NAALADL2: variants seen among roughly 807,000 people sequenced by gnomAD.
NAALADL2 encodes inactive N-acetylated-alpha-linked acidic dipeptidase-like protein 2.
Under a neutral mutation model 87.2 loss-of-function variants are expected in NAALADL2, and 76 were observed. The ratio of observed to expected loss-of-function variants is 0.87; its 90% CI spans 0.72 to 1.05. The LOEUF (loss-of-function observed/expected upper bound fraction) is 1.05, where lower values mean the gene tolerates loss of function less well. NAALADL2 is among the 50% of genes least tolerant of loss of function. The pLI, the probability that NAALADL2 is intolerant of heterozygous loss-of-function variation, is 0.00. For missense variants in NAALADL2, 1,089 were observed against 945.8 expected, an observed-to-expected ratio of 1.15 and a Z score of -1.99; for synonymous variants, 354 against 331.0, an observed-to-expected ratio of 1.07 and a Z score of -0.75.
At chr3:175,174,695 A>T (rs1735420610) in intron 2 of NAALADL2, among the ~76,000 whole-genome samples, 1 of 152,048 alleles carries the variant, frequency 6.6e-6, no homozygotes, top group Non-Finnish European at 1.5e-5. Flanking sequence ...TAAGATTCTG[A>T]TAATAGATCA....
At chr3:175,100,418 C>T (rs1580443004) in intron 2 of NAALADL2, among the ~76,000 whole-genome samples, 2 of 152,152 alleles carry the variant, frequency 1.3e-5, no homozygotes, top group East Asian at 3.9e-4. Context: ...TTTAACAAAA[C>T]TATTTGGAAG....
intron 1 of NAALADL2, among the ~76,000 whole-genome samples, chr3:174,995,754 C>G (rs1013238078): frequency 6.6e-6 from 1 of 150,780 alleles, no homozygotes; most frequent in Admixed American, 6.6e-5. Context: ...TGCCTTAAAC[C>G]TTAACCTTTG....
chr3:174,970,744 T>A (rs1039389177), intron 1 of NAALADL2, among the ~76,000 whole-genome samples: 2 of 152,208 alleles, frequency 1.3e-5, no homozygotes, highest in African/African-American at 2.4e-5. Flanking sequence ...CATACTAGGC[T>A]CTTAATTTAA....
chr3:174,678,293 G>A (rs1727224775), intron 2 of NAALADL2, among the ~76,000 whole-genome samples: 1 of 152,114 alleles, frequency 6.6e-6, no homozygotes, highest in Non-Finnish European at 1.5e-5. Flanking sequence ...TGCTGATAAT[G>A]CAAGTTTATG....
At chr3:174,775,085 C>T (rs893399180) in intron 3 of NAALADL2, among the ~76,000 whole-genome samples, 10 of 151,948 alleles carry the variant, frequency 6.6e-5, no homozygotes, top group Non-Finnish European at 2.9e-5. Flanking sequence ...GGAAAGTATA[C>T]ATAAAAATGC....
chr3:175,014,966 C>G (rs1750628615), intron 1 of NAALADL2, among the ~76,000 whole-genome samples: 1 of 151,906 alleles, frequency 6.6e-6, no homozygotes, highest in African/African-American at 2.4e-5. Flanking sequence ...ATTTAAAAGA[C>G]TACTTTTTAT....
chr3:175,040,563 C>T (rs1389945938), intron 1 of NAALADL2, among the ~76,000 whole-genome samples: 1 of 152,162 alleles, frequency 6.6e-6, no homozygotes, highest in Non-Finnish European at 1.5e-5. Context: ...CCATCTTGAC[C>T]TCCACTTCCC....
chr3:174,854,155 TAAATA>T (rs1725587422), intron 3 of NAALADL2, among the ~76,000 whole-genome samples: 1 of 152,112 alleles, frequency 6.6e-6, no homozygotes, highest in Admixed American at 6.6e-5. Flanking sequence ...GATGAATGAA[TAAATA>T]AAATATAGTA....
chr3:175,565,823 C>CCG (rs1717026991), intron 9 of NAALADL2, among the ~76,000 whole-genome samples: 1 of 133,866 alleles, frequency 7.5e-6, no homozygotes, highest in Non-Finnish European at 1.6e-5. Context: ...AACAAAAGCC[C>CCG]CCCCCCTTTT....
intron 2 of NAALADL2, among the ~76,000 whole-genome samples, chr3:174,564,429 C>T (rs971042274): frequency 3.3e-5 from 5 of 152,016 alleles, no homozygotes; most frequent in Admixed American, 6.6e-5. Flanking sequence ...ACCTAGTGGG[C>T]GTGGAAACCC....
At chr3:175,038,131 T>G (rs1156342784) in intron 1 of NAALADL2, among the ~76,000 whole-genome samples, 1 of 152,108 alleles carries the variant, frequency 6.6e-6, no homozygotes, top group Non-Finnish European at 1.5e-5. Flanking sequence ...CCAATAAATA[T>G]TATGATAAAA....
At chr3:175,261,470 A>T (rs981559835) in intron 4 of NAALADL2, among the ~76,000 whole-genome samples, 46 of 152,140 alleles carry the variant, frequency 3.0e-4, no homozygotes, top group African/African-American at 1.1e-3. Context: ...TTTCCTGTAG[A>T]AGCCAATTTT....
intron 9 of NAALADL2, among the ~76,000 whole-genome samples, chr3:175,505,496 C>T (rs986585105): frequency 1.3e-5 from 2 of 152,012 alleles, no homozygotes; most frequent in Non-Finnish European, 2.9e-5. Context: ...AAAGAATAGA[C>T]ACTACTTGTA....
intron 10 of NAALADL2, among the ~76,000 whole-genome samples, chr3:175,618,472 C>G (rs1415103358): frequency 1.3e-5 from 2 of 152,176 alleles, no homozygotes; most frequent in Admixed American, 6.5e-5. Flanking sequence ...CCCTTTGCAG[C>G]TTATAACTTG....
chr3:174,852,904 A>G (rs1363527286), intron 3 of NAALADL2, among the ~76,000 whole-genome samples: 2 of 152,176 alleles, frequency 1.3e-5, no homozygotes, highest in African/African-American at 4.8e-5. Flanking sequence ...GGATAAATCC[A>G]TACATATACC....
chr3:175,429,249 T>G (rs1232047463), intron 5 of NAALADL2, among the ~76,000 whole-genome samples: 1 of 151,872 alleles, frequency 6.6e-6, no homozygotes, highest in Non-Finnish European at 1.5e-5. Context: ...TTTCTGTATT[T>G]TTTTAATTTC....
At chr3:175,240,646 T>TTTTGTTTG (rs899079966) in intron 3 of NAALADL2, among the ~76,000 whole-genome samples, 3 of 152,028 alleles carry the variant, frequency 2.0e-5, no homozygotes, top group African/African-American at 7.2e-5. Context: ...ACTTCGAAGT[T>TTTTGTTTG]TTTGTTTGTT....
intron 3 of NAALADL2, chr3:175,235,733 C>T (rs1015200795): frequency 2.6e-5 from 4 of 152,184 alleles, no homozygotes; most frequent in African/African-American, 7.2e-5. Flanking sequence ...CACAAAAACA[C>T]CAGGAACTTG....
At chr3:175,374,541 A>C (rs1766877765) in intron 5 of NAALADL2, among the ~76,000 whole-genome samples, 1 of 117,740 alleles carries the variant, frequency 8.5e-6, no homozygotes, top group African/African-American at 3.4e-5. Context: ...GCTGAGTACC[A>C]CTGCATCTCC....
Sources: allele counts gnomAD v4.1 joint callset (sites outside exome capture counted in the v4.1 genomes callset), GRCh38; gene constraint gnomAD v4.1.1; transcripts MANE v1.5; gene names NCBI Gene and HGNC (gene_info 2026-07-23, HGNC 2026-07-21).